Variants in MDGA2 observed in about 807,000 individuals in gnomAD.
MDGA2 encodes the protein MAM domain containing glycosylphosphatidylinositol anchor 2.
A neutral mutation model predicts 117.8 loss-of-function variants in MDGA2; 40 were observed. The ratio of observed to expected loss-of-function variants is 0.34; its 90% confidence interval spans 0.26 to 0.44. The LOEUF (loss-of-function observed/expected upper bound fraction) is 0.44. Ranked by LOEUF, MDGA2 falls within the 20% of genes least tolerant of loss-of-function variation. The pLI, the probability that MDGA2 is intolerant of heterozygous loss-of-function variation, is 1.00. For synonymous variants in MDGA2, 452 were observed against 439.0 expected (o/e 1.03, Z -0.37); for missense variants, 1,123 against 1,250.6 (o/e 0.90, Z 1.54).
intron 5 of MDGA2, among the ~76,000 whole-genome samples, chr14:47,103,809 G>A (rs932761636): frequency 6.6e-6 from 1 of 152,222 alleles, no homozygotes; most frequent in Non-Finnish European, 1.5e-5. Context: ...TATCAACAGT[G>A]ATGAATGCCT....
chr14:47,657,271 G>A (rs1897762556), intron 1 of MDGA2, among the ~76,000 whole-genome samples: 2 of 152,130 alleles, frequency 1.3e-5, no homozygotes, highest in Admixed American at 6.6e-5. Context: ...AGCTGGGGTG[G>A]GTTGTTACAG....
chr14:46,880,338 T>G (rs1882395698), intron 11 of MDGA2, among the ~76,000 whole-genome samples: 1 of 151,578 alleles, frequency 6.6e-6, no homozygotes, highest in Admixed American at 6.6e-5. Flanking sequence ...AATATATATA[T>G]AGTAATAATA....
rs549327435 is a variant in MDGA2, at chr14:47,549,619, C to G, written c.280+124898G>C. On this transcript the variant is annotated intron_variant, in intron 1 of 16. Transcript: ENST00000399232. ...CTTCCAAAATTCATAGGTTGGACCC[C>G]TAATATTCAATGTGACTGTATTTGG... Among the ~76,000 whole-genome samples, 29 of 152,200 alleles carry G rather than the reference C, an allele frequency of 1.9e-4. No individual in the cohort carries two copies. In the South Asian group the frequency reaches 2.7e-3, roughly 14 times the overall value.
intron 2 of MDGA2, among the ~76,000 whole-genome samples, chr14:47,275,081 T>A (rs1036771088): frequency 6.6e-6 from 1 of 152,222 alleles, no homozygotes; most frequent in Non-Finnish European, 1.5e-5. Flanking sequence ...GTACAATTTA[T>A]CTACTTTTGT....
chr14:46,950,834 G>A (rs2138610914), intron 9 of MDGA2, among the ~76,000 whole-genome samples: 1 of 151,534 alleles, frequency 6.6e-6, no homozygotes, highest in African/African-American at 2.4e-5. Flanking sequence ...CATTGCCAGA[G>A]ACTAAAATAT....
chr14:47,540,520 A>ATATG (rs1895324725), intron 1 of MDGA2, among the ~76,000 whole-genome samples: 1 of 102,930 alleles, frequency 9.7e-6, no homozygotes, highest in African/African-American at 3.2e-5. Context: ...GTATATGTAT[A>ATATG]TGTGTGTGTG....
At chr14:47,381,023 G>A (rs553218376) in intron 1 of MDGA2, among the ~76,000 whole-genome samples, 27 of 152,088 alleles carry the variant, frequency 1.8e-4, no homozygotes, top group Non-Finnish European at 2.9e-4. Flanking sequence ...CGATCAAGTT[G>A]GCTTCACTCC....
chr14:47,066,630 T>C (rs1250891488), intron 6 of MDGA2, among the ~76,000 whole-genome samples: 1 of 152,188 alleles, frequency 6.6e-6, no homozygotes, highest in Non-Finnish European at 1.5e-5. Context: ...TAAAGGAGGA[T>C]TTCATCCAAA....
intron 7 of MDGA2, among the ~76,000 whole-genome samples, chr14:47,046,580 C>T (rs1889274246): frequency 2.7e-5 from 4 of 150,200 alleles, no homozygotes; most frequent in Non-Finnish European, 5.9e-5. Context: ...TGCACATGTA[C>T]CCTAGAACTT....
chr14:47,397,283 G>A (rs894113432), intron 1 of MDGA2, among the ~76,000 whole-genome samples: 2 of 152,040 alleles, frequency 1.3e-5, no homozygotes, highest in Non-Finnish European at 2.9e-5. Flanking sequence ...TGAACAATGA[G>A]AACACATAAA....
At chr14:46,880,350 T>A (rs1031761966) in intron 11 of MDGA2, among the ~76,000 whole-genome samples, 1 of 151,858 alleles carries the variant, frequency 6.6e-6, no homozygotes, top group Non-Finnish European at 1.5e-5. Flanking sequence ...GTAATAATAA[T>A]ATTCTACTGA....
intron 15 of MDGA2, 93 bp from the exon 16 acceptor site, chr14:46,845,964 AGTAAT>A: frequency 1.1e-6 from 1 of 872,984 alleles, no homozygotes; most frequent in East Asian, 2.6e-5. Flanking sequence ...TAAACTTGTC[AGTAAT>A]CCTGGCATCT....
chr14:47,477,779 G>T (rs1398857034), intron 1 of MDGA2, among the ~76,000 whole-genome samples: 1 of 152,144 alleles, frequency 6.6e-6, no homozygotes, highest in African/African-American at 2.4e-5. Flanking sequence ...GAAGGATATT[G>T]CCTAGCTTTA....
chr14:47,601,313 C>G (rs971823820), intron 1 of MDGA2, among the ~76,000 whole-genome samples: 1 of 152,082 alleles, frequency 6.6e-6, no homozygotes, highest in African/African-American at 2.4e-5. Context: ...AGATAAAGGA[C>G]TCCTTTGAGG....
At chr14:47,656,714 C>G (rs1897751103) in intron 1 of MDGA2, among the ~76,000 whole-genome samples, 1 of 152,078 alleles carries the variant, frequency 6.6e-6, no homozygotes, top group Non-Finnish European at 1.5e-5. Context: ...TATTGTCCCC[C>G]AGAGAGCATC....
intron 1 of MDGA2, among the ~76,000 whole-genome samples, chr14:47,304,188 C>A (rs963050140): frequency 2.0e-5 from 3 of 152,070 alleles, no homozygotes; most frequent in African/African-American, 4.8e-5. Flanking sequence ...TCCCTTAATT[C>A]TTTTATGTGC....
At chr14:47,552,800 A>G (rs560351231) in intron 1 of MDGA2, among the ~76,000 whole-genome samples, 1 of 136,404 alleles carries the variant, frequency 7.3e-6, no homozygotes, top group South Asian at 3.0e-4. Flanking sequence ...ATCTCTTACT[A>G]CCCCTAATCT....
intron 1 of MDGA2, among the ~76,000 whole-genome samples, chr14:47,540,214 C>T (rs973739711): frequency 6.6e-5 from 10 of 151,988 alleles, no homozygotes; most frequent in African/African-American, 2.4e-4. Flanking sequence ...GGGGTTTCAC[C>T]GTGTTAGCCA....
intron 1 of MDGA2, among the ~76,000 whole-genome samples, chr14:47,428,476 TA>T (rs1892733949): frequency 6.6e-6 from 1 of 152,152 alleles, no homozygotes; most frequent in African/African-American, 2.4e-5. Flanking sequence ...AAATCAGGTA[TA>T]TATTTGATCT....
Sources: gnomAD v4.1 joint callset for allele counts (sites outside exome capture counted in the v4.1 genomes callset) on GRCh38, gnomAD v4.1.1 for gene constraint, MANE v1.5 for transcripts, NCBI Gene and HGNC (gene_info 2026-07-23, HGNC 2026-07-21) for gene names.